PGAP6: variants seen among roughly 807,000 people sequenced by gnomAD.
PGAP6 encodes the protein post-GPI attachment to proteins 6, also known as post-GPI attachment to proteins factor 6.
PGAP6 carries 62 observed loss-of-function variants against 68.4 expected under a neutral mutation model. That is an observed-to-expected ratio of 0.91 (90% CI 0.74 to 1.12). The LOEUF (loss-of-function observed/expected upper bound fraction) is 1.12, where lower values mean the gene tolerates loss of function less well. PGAP6 is among the 50% of genes most tolerant of loss of function. The pLI is 0.00. For synonymous variants in PGAP6, 575 were observed against 474.0 expected (o/e 1.21, Z -2.77); for missense variants, 1,188 against 1,068.5 (o/e 1.11, Z -1.56).
At chr16:377,267 C>T (rs1321409223) in intron 3 of PGAP6, 103 bp from the exon 4 acceptor site, 12 of 1,589,152 alleles carry the variant, frequency 7.6e-6, no homozygotes, top group East Asian at 2.2e-5. Flanking sequence ...GGGCTGGCCC[C>T]AGAGTGCAGC....
At chr16:381,409 C>A (rs951207633) in intron 1 of PGAP6, among the ~76,000 whole-genome samples, 1 of 150,172 alleles carries the variant, frequency 6.7e-6, no homozygotes, top group Non-Finnish European at 1.5e-5. Context: ...CCGCGCCGGG[C>A]GCGCCGGACC....
chr16:377,341 G>C, intron 3 of PGAP6, 37 bp downstream of exon 3: 1 of 1,559,294 alleles, frequency 6.4e-7, no homozygotes, highest in Non-Finnish European at 8.7e-7. Flanking sequence ...TCGCCGCAAG[G>C]TTCTCTGCCT....
upstream of PGAP6, chr16:383,179 G>A (rs1192602492): frequency 6.7e-6 from 1 of 148,780 alleles, no homozygotes; most frequent in Non-Finnish European, 1.5e-5. Context: ...GTCCTTCCCA[G>A]GATGTGAGGG....
upstream of PGAP6, among the ~76,000 whole-genome samples, chr16:383,009 C>G (rs1375549621): frequency 6.6e-6 from 1 of 152,126 alleles, no homozygotes; most frequent in South Asian, 2.1e-4. Context: ...CCAGCTACTC[C>G]GGAGGCTGAG....
At position 381,739 on chromosome 16, in the gene PGAP6, C is replaced by T. The variant is rs905427270; in HGVS notation, c.83G>A (p.Arg28Gln). ...AGPLLLLLLA[R>Q]PPPASAGYSG... The stretch of plus-strand genomic sequence containing the variant: ...GTAGCCGGCGGAGGCAGGCGGGGGC[C>T]GGGCAAGCAGCAGCAGCAGCAGCGG... The change falls in exon 1 of 13, where the codon CGG (arginine) becomes CAG (glutamine). Residue 28 changes from arginine (R) to glutamine (Q), a missense_variant. Physicochemically the swap from Arg to Gln is conservative, Grantham distance 43. Coordinates refer to ENST00000431232, the MANE Select transcript of PGAP6 (RefSeq NM_021259.3). 3 of 1,212,752 alleles carry T rather than the reference C, an allele frequency of 2.5e-6. No homozygotes were observed. Among genetic ancestry groups the T allele is most frequent in the African/African-American group, 1.6e-5 (1 of 63,142 alleles). 75.1% of individuals were successfully genotyped at this position (1,212,752 alleles called of 1,614,324 possible).
rs894355364 is a variant in PGAP6, at chr16:372,066, G to A, written c.2237C>T (p.Pro746Leu). 6.2e-7 allele frequency: 1 copy of A among 1,612,494 alleles called. No individual in the cohort carries two copies. The highest frequency in any genetic ancestry group is 1.3e-5 in the African/African-American group (1 of 74,928). Residue 746 changes from proline to leucine, a missense_variant, in exon 13 of 13, where the codon CCC becomes CTC. Pro to Leu is a moderately conservative substitution (Grantham distance 98). Transcript: ENST00000431232. The part of the protein sequence containing the change: ...LLPPPDQPAE[P>L]WACSQKFPCH... ...GGGGAATTTCTGCGAGCAGGCCCAG[G>A]GCTCGGCGGGCTGGTCAGGTGGCGG...
At chr16:382,443 C>T (rs2054452591), upstream of PGAP6, 2 of 375,358 alleles carry the variant, frequency 5.3e-6, no homozygotes, top group Admixed American at 9.1e-5. Context: ...CACGGGGACC[C>T]CCGGGCCGGC....
chr16:372,090 G>GGCA lies in PGAP6; in HGVS notation c.2210_2212dup (p.Leu737dup). The GGCA allele has an allele frequency of 6.2e-7, 1 of 1,612,618 alleles. No homozygotes were observed. Among genetic ancestry groups the GGCA allele is most frequent in the Non-Finnish European group, 8.5e-7 (1 of 1,179,966 alleles). ...GGGCTCGGCGGGCTGGTCAGGTGGC[G>GGCA]GCAGCAGCAAGGCTGCGCTCCCGGC... On this transcript the variant is annotated inframe_insertion, in exon 13 of 13. Transcript: ENST00000431232.
At chr16:374,721 C>G (rs762589520) in intron 9 of PGAP6, 35 bp downstream of exon 9, 2 of 1,609,250 alleles carry the variant, frequency 1.2e-6, no homozygotes, top group Non-Finnish European at 1.7e-6. Context: ...CCAACAGCAG[C>G]AGCGTCTCGG....
At chr16:381,306 C>T (rs999707634) in intron 1 of PGAP6, among the ~76,000 whole-genome samples, 1 of 152,240 alleles carries the variant, frequency 6.6e-6, no homozygotes, top group African/African-American at 2.4e-5. Context: ...GGCTCTGCCC[C>T]TCTCTCAGGC....
At chr16:379,175 C>A (rs1044468917) in intron 1 of PGAP6, among the ~76,000 whole-genome samples, 1 of 152,316 alleles carries the variant, frequency 6.6e-6, no homozygotes, top group East Asian at 1.9e-4. Context: ...TGCTGCAGCT[C>A]CCCCTCCCCA....
At chr16:382,005 C>G (rs1188029968), upstream of PGAP6, 1 of 941,364 alleles carries the variant, frequency 1.1e-6, no homozygotes, top group African/African-American at 1.8e-5. Context: ...GCCCCGCAGG[C>G]CGAGCCGGGA....
upstream of PGAP6, chr16:381,982 G>GCCCGCAGGCCCCGC (rs974080257): frequency 6.3e-6 from 6 of 950,410 alleles, no homozygotes; most frequent in Non-Finnish European, 7.5e-6. Flanking sequence ...GGGCACTTCC[G>GCCCGCAGGCCCCGC]CCCGCAGGCC....
At position 376,623 on chromosome 16, in the gene PGAP6, G is replaced by T. The variant is rs1555491378; in HGVS notation, c.825C>A (p.Asp275Glu). The change falls in exon 5 of 13, where the codon GAC becomes GAA. Residue 275 changes from aspartate to glutamate, a missense_variant. By Grantham distance (45) the Asp-to-Glu change is conservative. Coordinates refer to ENST00000431232, the MANE Select transcript of PGAP6 (RefSeq NM_021259.3). Reference protein sequence around the residue: ...CRLLLPSPPWDRWLQVTAESL... With the variant: ...CRLLLPSPPWERWLQVTAESL... ...TCTCAGCTGTCACTTGCAGCCACCG[G>T]TCCCAGGGCGGTGAGGGCAGCAGCA... 2 of 1,600,866 alleles carry T rather than the reference G, an allele frequency of 1.2e-6. No individual in the cohort carries two copies. The highest frequency in any genetic ancestry group is 3.4e-5 in the Admixed American group (2 of 58,954).
upstream of PGAP6, chr16:386,956 C>T (rs1455508315): frequency 3.5e-6 from 2 of 571,506 alleles, no homozygotes; most frequent in Non-Finnish European, 3.4e-6. Flanking sequence ...TGGAAGAGCA[C>T]CCCCAGGAGA....
intron 8 of PGAP6, 56 bp downstream of exon 8, chr16:375,077 G>A (rs1392347305): frequency 1.2e-6 from 2 of 1,601,996 alleles, no homozygotes; most frequent in African/African-American, 1.3e-5. Context: ...CCGGCCTGTG[G>A]TCCTGAGTGA....
chr16:384,467 A>T (rs2054468514), upstream of PGAP6: 1 of 152,376 alleles, frequency 6.6e-6, no homozygotes, highest in Admixed American at 6.5e-5. Flanking sequence ...GTCAAAAAAC[A>T]GCCACGCAGC....
upstream of PGAP6, among the ~76,000 whole-genome samples, chr16:383,694 C>A (rs2054463381): frequency 6.6e-6 from 1 of 152,206 alleles, no homozygotes; most frequent in African/African-American, 2.4e-5. Flanking sequence ...AACACGTTTC[C>A]TTTGTGTGTG....
chr16:380,999 C>A (rs1274922687), intron 1 of PGAP6, among the ~76,000 whole-genome samples: 1 of 152,250 alleles, frequency 6.6e-6, no homozygotes, highest in African/African-American at 2.4e-5. Context: ...TCTCCACACC[C>A]ACGTCCCTAC....
Sources: gnomAD v4.1 joint callset for allele counts (sites outside exome capture counted in the v4.1 genomes callset) on GRCh38, gnomAD v4.1.1 for gene constraint, MANE v1.5 for transcripts, NCBI Gene and HGNC (gene_info 2026-07-23, HGNC 2026-07-21) for gene names.